Variants in PDE4D observed in about 807,000 individuals in gnomAD.
The protein encoded by PDE4D is phosphodiesterase 4D.
In PDE4D, 24 loss-of-function variants were observed where a neutral mutation model predicts 87.4. The observed-to-expected ratio is 0.27, with a 90% CI of 0.20 to 0.39. The LOEUF (loss-of-function observed/expected upper bound fraction) is 0.39, where lower values mean the gene tolerates loss of function less well. Among genes scored for constraint, PDE4D ranks in the 10% least tolerant of loss-of-function variants. PDE4D has a pLI of 1.00. For synonymous variants in PDE4D, 384 were observed against 383.2 expected (o/e 1.00, Z -0.02); for missense variants, 714 against 1,041.0 (o/e 0.69, Z 4.32).
At chr5:59,578,765 T>C (rs1823582224) in intron 1 of PDE4D, among the ~76,000 whole-genome samples, 1 of 152,052 alleles carries the variant, frequency 6.6e-6, no homozygotes, top group Admixed American at 6.6e-5. Context: ...TCCACCTACC[T>C]AATCTCCACA....
intron 1 of PDE4D, among the ~76,000 whole-genome samples, chr5:59,883,902 T>G (rs72751296): frequency 0.22 from 33,530 of 152,168 alleles, 4,668 homozygotes; most frequent in Admixed American, 0.34. Flanking sequence ...TTACTAAATT[T>G]TTTTATGAAA....
intron 1 of PDE4D, among the ~76,000 whole-genome samples, chr5:59,546,953 G>A (rs1003996671): frequency 8.5e-5 from 13 of 152,100 alleles, no homozygotes; most frequent in African/African-American, 2.9e-4. Flanking sequence ...GCTAACGTCA[G>A]AAATGCCCTT....
intron 1 of PDE4D, among the ~76,000 whole-genome samples, chr5:59,288,301 T>C (rs543766211): frequency 3.3e-5 from 5 of 151,296 alleles, no homozygotes; most frequent in Admixed American, 3.3e-4. Context: ...AACACGCAAC[T>C]GACATACTGA....
Position 59,728,574 on chromosome 5 carries a change from A to G in PDE4D, c.455+164594T>C, listed in dbSNP as rs553248417. Among the ~76,000 whole-genome samples, 231 of 152,210 alleles carry G rather than the reference A, an allele frequency of 1.5e-3. 4 individuals are homozygous for G. In the South Asian group the frequency reaches 0.045, roughly 30 times the overall value. ...AGATGGACACCTCACTCTTGGTGTT[A>G]CTGTGTAGCTGTACTCCCTTAATAG... is the stretch of plus-strand genomic sequence containing the variant. On this transcript the variant is annotated intron_variant, in intron 1 of 14. Transcript: ENST00000340635.
chr5:59,531,320 C>T (rs573313005), intron 1 of PDE4D, among the ~76,000 whole-genome samples: 4 of 152,280 alleles, frequency 2.6e-5, no homozygotes, highest in African/African-American at 9.6e-5. Context: ...GAGGGCTACC[C>T]TATTCAAAAT....
At chr5:59,637,636 C>T (rs1832418480) in intron 1 of PDE4D, among the ~76,000 whole-genome samples, 1 of 151,696 alleles carries the variant, frequency 6.6e-6, no homozygotes, top group Admixed American at 6.6e-5. Context: ...TCATTCTTAG[C>T]AAACTAACAC....
At chr5:59,089,392 T>G (rs528724701) in intron 5 of PDE4D, among the ~76,000 whole-genome samples, 8 of 152,344 alleles carry the variant, frequency 5.3e-5, no homozygotes, top group South Asian at 2.1e-4. Flanking sequence ...ATTTGATTTT[T>G]ATTTTTATAG....
intron 1 of PDE4D, among the ~76,000 whole-genome samples, chr5:60,516,211 T>C (rs987247057): frequency 1.3e-5 from 2 of 152,228 alleles, no homozygotes; most frequent in Non-Finnish European, 1.5e-5. Flanking sequence ...TGAGTTAACT[T>C]GAGAAAAATA....
intron 1 of PDE4D, among the ~76,000 whole-genome samples, chr5:59,596,659 A>T (rs192987774): frequency 7.2e-5 from 11 of 152,226 alleles, no homozygotes; most frequent in Non-Finnish European, 1.3e-4. Flanking sequence ...TATACCAAAC[A>T]TGATTACTTA....
chr5:59,574,978 A>G (rs143762715), intron 1 of PDE4D, among the ~76,000 whole-genome samples: 71 of 152,324 alleles, frequency 4.7e-4, no homozygotes, highest in African/African-American at 1.6e-3. Context: ...GAATTGATAT[A>G]TTTAAAAACT....
At chr5:59,838,777 C>T (rs1485038093) in intron 1 of PDE4D, among the ~76,000 whole-genome samples, 1 of 152,022 alleles carries the variant, frequency 6.6e-6, no homozygotes, top group African/African-American at 2.4e-5. Flanking sequence ...AAGACGTAGG[C>T]AAACAGTCAC....
intron 1 of PDE4D, among the ~76,000 whole-genome samples, chr5:60,295,318 G>A: frequency 6.6e-6 from 1 of 152,100 alleles, no homozygotes; most frequent in East Asian, 1.9e-4. Flanking sequence ...TTTACTTCTT[G>A]CTTTGCAAAT....
chr5:60,454,761 T>C (rs912482782), intron 1 of PDE4D, among the ~76,000 whole-genome samples: 1 of 152,092 alleles, frequency 6.6e-6, no homozygotes, highest in Admixed American at 6.6e-5. Flanking sequence ...CATTTACCTA[T>C]GTAACAAACC....
intron 1 of PDE4D, among the ~76,000 whole-genome samples, chr5:59,342,998 A>T (rs111934586): frequency 2.0e-5 from 3 of 149,808 alleles, no homozygotes; most frequent in African/African-American, 7.4e-5. Context: ...GTTATTATTT[A>T]AAGTTCAGGG....
At chr5:59,634,321 G>C (rs1015037617) in intron 1 of PDE4D, among the ~76,000 whole-genome samples, 7 of 152,176 alleles carry the variant, frequency 4.6e-5, no homozygotes, top group African/African-American at 1.4e-4. Context: ...ATATCAGACA[G>C]ATGAACGAGA....
intron 1 of PDE4D, among the ~76,000 whole-genome samples, chr5:59,326,777 A>G (rs1408579865): frequency 6.6e-6 from 1 of 152,164 alleles, no homozygotes; most frequent in Non-Finnish European, 1.5e-5. Flanking sequence ...TCTTGCTTGG[A>G]AAAGACACAT....
At chr5:59,339,925 TTTG>T (rs1458674407) in intron 1 of PDE4D, among the ~76,000 whole-genome samples, 3 of 152,182 alleles carry the variant, frequency 2.0e-5, no homozygotes, top group Non-Finnish European at 4.4e-5. Context: ...AGTGGGTTTT[TTTG>T]TTGTTTTGTT....
intron 6 of PDE4D, among the ~76,000 whole-genome samples, chr5:59,018,754 T>C (rs1004237358): frequency 1.1e-4 from 16 of 152,076 alleles, no homozygotes; most frequent in Admixed American, 7.2e-4. Flanking sequence ...TAATAAACAA[T>C]AATAAAACCT....
At chr5:59,404,533 C>T (rs1040430477) in intron 1 of PDE4D, among the ~76,000 whole-genome samples, 2 of 151,984 alleles carry the variant, frequency 1.3e-5, no homozygotes, top group Admixed American at 6.6e-5. Context: ...GTGGTGTGCA[C>T]CTATAGTCCC....
Sources: gnomAD v4.1 joint callset for allele counts (sites outside exome capture counted in the v4.1 genomes callset) on GRCh38, gnomAD v4.1.1 for gene constraint, MANE v1.5 for transcripts, NCBI Gene and HGNC (gene_info 2026-07-23, HGNC 2026-07-21) for gene names.